TMC1: variants seen among roughly 807,000 people sequenced by gnomAD.
TMC1 encodes transmembrane channel-like protein 1.
A neutral mutation model predicts 105.8 loss-of-function variants in TMC1; 84 were observed. That is an observed-to-expected ratio of 0.79 (90% CI 0.67 to 0.95). TMC1 has a LOEUF of 0.95. Ranked by LOEUF, TMC1 falls within the 40% of genes least tolerant of loss-of-function variation. TMC1 has a pLI of 0.00. For missense variants in TMC1, 817 were observed against 914.1 expected, an observed-to-expected ratio of 0.89 and a Z score of 1.37; for synonymous variants, 315 against 311.5, an observed-to-expected ratio of 1.01 and a Z score of -0.12.
chr9:72,799,607 T>C (rs765910236), intron 17 of TMC1, among the ~76,000 whole-genome samples: 5 of 152,170 alleles, frequency 3.3e-5, no homozygotes, highest in Admixed American at 6.5e-5. Context: ...TGATGATATA[T>C]GCTATTAATT....
chr9:72,752,381 T>A (rs1370685474), intron 11 of TMC1, among the ~76,000 whole-genome samples: 2 of 151,860 alleles, frequency 1.3e-5, no homozygotes, highest in African/African-American at 2.4e-5. Context: ...GCCTCCAGAT[T>A]TTCTATACTG....
At chr9:72,623,200 C>G (rs1825289104) in intron 3 of TMC1, among the ~76,000 whole-genome samples, 1 of 103,806 alleles carries the variant, frequency 9.6e-6, no homozygotes, top group Non-Finnish European at 1.8e-5. Context: ...TGTAATTGCT[C>G]ATTTGCTAGG....
At chr9:72,736,708 A>G (rs1054133734) in intron 8 of TMC1, among the ~76,000 whole-genome samples, 3 of 152,202 alleles carry the variant, frequency 2.0e-5, no homozygotes, top group African/African-American at 7.2e-5. Flanking sequence ...ACTCCTATGT[A>G]TACTTAGTTT....
chr9:72,794,161 G>A (rs1428990155), intron 17 of TMC1, among the ~76,000 whole-genome samples: 3 of 152,012 alleles, frequency 2.0e-5, no homozygotes, highest in African/African-American at 7.3e-5. Flanking sequence ...CTAATTGCAA[G>A]GAGTAATTGC....
At chr9:72,696,959 T>G (rs1473774920) in intron 7 of TMC1, among the ~76,000 whole-genome samples, 1 of 152,212 alleles carries the variant, frequency 6.6e-6, no homozygotes, top group Non-Finnish European at 1.5e-5. Flanking sequence ...AAAGCAGGTT[T>G]CCTGTAATGC....
At chr9:72,666,973 A>G (rs146297900) in intron 5 of TMC1, among the ~76,000 whole-genome samples, 311 of 151,834 alleles carry the variant, frequency 2.0e-3, no homozygotes, top group Admixed American at 5.2e-3. Context: ...CCAGCTACTC[A>G]GGAGGCTGAG....
intron 12 of TMC1, among the ~76,000 whole-genome samples, chr9:72,760,757 C>T (rs997031219): frequency 6.6e-6 from 1 of 152,086 alleles, no homozygotes; most frequent in Non-Finnish European, 1.5e-5. Context: ...CAAGCATGAT[C>T]TCTTATGGTA....
intron 1 of TMC1, among the ~76,000 whole-genome samples, chr9:72,527,759 CA>C (rs1823430109): frequency 6.6e-6 from 1 of 152,212 alleles, no homozygotes; most frequent in Non-Finnish European, 1.5e-5. Context: ...CTGCAAACAC[CA>C]GGCTCACGGT....
chr9:72,835,250 A>C (rs1829103335), intron 23 of TMC1, among the ~76,000 whole-genome samples: 3 of 152,204 alleles, frequency 2.0e-5, no homozygotes, highest in Admixed American at 2.0e-4. Context: ...TATTTCCTAC[A>C]CTAGGAGAAC....
chr9:72,673,911 A>G (rs1344157378), intron 5 of TMC1, among the ~76,000 whole-genome samples: 2 of 152,140 alleles, frequency 1.3e-5, no homozygotes, highest in East Asian at 3.9e-4. Context: ...ATATTTCCCA[A>G]CTCTCCCTGA....
Position 72,790,540 on chromosome 9 carries a change from T to C in TMC1, c.1224+1223T>C, listed in dbSNP as rs556837019. Among the ~76,000 whole-genome samples the C allele has an allele frequency of 5.9e-5, 9 of 152,292 alleles. No homozygotes were observed. In the South Asian group the frequency reaches 1.0e-3, roughly 18 times the overall value. On this transcript the variant is annotated intron_variant, in intron 15 of 23. Transcript: ENST00000297784. ...ATAGTACATAGAGGTAACATTATCA[T>C]GCAGCTTTGGTCCATTATTTATATT...
chr9:72,551,758 TG>T (rs1443250245), intron 1 of TMC1, among the ~76,000 whole-genome samples: 3 of 152,140 alleles, frequency 2.0e-5, no homozygotes, highest in African/African-American at 7.2e-5. Context: ...CAAATTAAAA[TG>T]AGGTCATACC....
At chr9:72,825,912 T>C (rs1828945132) in intron 20 of TMC1, among the ~76,000 whole-genome samples, 1 of 152,158 alleles carries the variant, frequency 6.6e-6, no homozygotes, top group African/African-American at 2.4e-5. Flanking sequence ...GGAGTCACTA[T>C]GTCTGCTGGA....
At chr9:72,591,732 A>ATTTTGTTTG (rs71357595) in intron 2 of TMC1, among the ~76,000 whole-genome samples, 1 of 151,444 alleles carries the variant, frequency 6.6e-6, no homozygotes, top group Admixed American at 6.6e-5. Flanking sequence ...CACCATGGCT[A>ATTTTGTTTG]TTTGTTTGTT....
chr9:72,729,976 C>T (rs989157293), intron 8 of TMC1, among the ~76,000 whole-genome samples: 2 of 152,206 alleles, frequency 1.3e-5, no homozygotes, highest in African/African-American at 4.8e-5. Context: ...TGTCCAGATT[C>T]TTCTTGGCCT....
At chr9:72,603,411 A>ACACACACACACACCACACTCCACACG (rs1564438196) in intron 2 of TMC1, among the ~76,000 whole-genome samples, 24 of 148,956 alleles carry the variant, frequency 1.6e-4, no homozygotes, top group African/African-American at 5.8e-4. Context: ...ACACACACAC[A>ACACACACACACACCACACTCCACACG]CACACACACA....
chr9:72,558,453 T>C (rs762505050), intron 1 of TMC1, among the ~76,000 whole-genome samples: 16 of 152,198 alleles, frequency 1.1e-4, no homozygotes, highest in Non-Finnish European at 1.9e-4. Flanking sequence ...ACCTGAATTA[T>C]CTGGATGAAC....
chr9:72,742,670 T>C, intron 10 of TMC1, 145 bp downstream of exon 10: 1 of 761,278 alleles, frequency 1.3e-6, no homozygotes, highest in East Asian at 2.7e-5. Flanking sequence ...AACAAAAACT[T>C]TGTTTATGCC....
At chr9:72,544,961 C>G (rs1823740431) in intron 1 of TMC1, among the ~76,000 whole-genome samples, 1 of 151,948 alleles carries the variant, frequency 6.6e-6, no homozygotes, top group African/African-American at 2.4e-5. Context: ...CCTGAGTTCC[C>G]AAAGTTCATT....
Sources: gnomAD v4.1 joint callset for allele counts (sites outside exome capture counted in the v4.1 genomes callset) on GRCh38, gnomAD v4.1.1 for gene constraint, MANE v1.5 for transcripts, NCBI Gene and HGNC (gene_info 2026-07-23, HGNC 2026-07-21) for gene names.